The following CCDC171 variants were observed in gnomAD, a reference collection of about 807,000 sequenced individuals.
CCDC171 encodes the protein coiled-coil domain containing 171, also known as coiled-coil domain-containing protein 171.
In CCDC171, 177 loss-of-function variants were observed where a neutral mutation model predicts 168.2. That is an observed-to-expected ratio of 1.05 (90% CI 0.93 to 1.19). CCDC171 has a LOEUF of 1.19. Ranked by LOEUF, CCDC171 falls within the 50% of genes most tolerant of loss-of-function variation. The pLI is 0.00. For synonymous variants in CCDC171, 687 were observed against 540.8 expected (o/e 1.27, Z -3.75); for missense variants, 1,991 against 1,539.0 (o/e 1.29, Z -4.91).
intron 16 of CCDC171, among the ~76,000 whole-genome samples, chr9:15,742,067 C>G (rs145832790): frequency 2.3e-5 from 3 of 128,186 alleles, no homozygotes; most frequent in African/African-American, 7.3e-5. Flanking sequence ...TCTAGGTTTT[C>G]TGTAATTTTC....
At chr9:15,756,382 A>G (rs1325210928) in intron 18 of CCDC171, among the ~76,000 whole-genome samples, 1 of 152,144 alleles carries the variant, frequency 6.6e-6, no homozygotes, top group Non-Finnish European at 1.5e-5. Flanking sequence ...TTCTTTTTTA[A>G]TAATTTCAAC....
At chr9:15,688,302 A>G (rs1049935782) in intron 10 of CCDC171, among the ~76,000 whole-genome samples, 1 of 152,134 alleles carries the variant, frequency 6.6e-6, no homozygotes, top group African/African-American at 2.4e-5. Flanking sequence ...TTTAAGAACA[A>G]TTACCACCAA....
intron 24 of CCDC171, among the ~76,000 whole-genome samples, chr9:15,908,919 G>A (rs1221700865): frequency 6.6e-6 from 1 of 152,066 alleles, no homozygotes; most frequent in East Asian, 1.9e-4. Context: ...CCAGCACTGG[G>A]GATTACAATT....
At chr9:15,642,474 A>G (rs2046717952) in intron 7 of CCDC171, among the ~76,000 whole-genome samples, 1 of 150,684 alleles carries the variant, frequency 6.6e-6, no homozygotes, top group Non-Finnish European at 1.5e-5. Context: ...TATGAATGTT[A>G]CACTAGTTCT....
downstream of CCDC171, among the ~76,000 whole-genome samples, chr9:16,066,515 G>T (rs1035699777): frequency 2.0e-5 from 3 of 149,826 alleles, no homozygotes; most frequent in Non-Finnish European, 4.4e-5. Context: ...CATTGTGCAG[G>T]TTAGTTATAT....
intron 24 of CCDC171, among the ~76,000 whole-genome samples, chr9:15,906,401 A>T (rs1458562983): frequency 1.3e-5 from 2 of 152,234 alleles, no homozygotes; most frequent in Non-Finnish European, 2.9e-5. Flanking sequence ...TCCAGCATAT[A>T]AAAGAACCAA....
chr9:15,591,317 G>T lies in CCDC171; in HGVS notation c.353-49G>T. 3 of 1,212,430 alleles carry T rather than the reference G, an allele frequency of 2.5e-6. No individual in the cohort carries two copies. The South Asian group carries it at 4.2e-5, about 17-fold the overall frequency. The allele number at this position is 1,212,430 out of a possible 1,614,324, so 75.1% of individuals were successfully genotyped here. ...CAATGCCTAGGTTTTGGGGCTCCTTGTTATTTAATTCATGGTTGTAAATGT... is the reference window on the plus strand; with the variant it reads ...CAATGCCTAGGTTTTGGGGCTCCTTTTTATTTAATTCATGGTTGTAAATGT... On this transcript the variant is annotated intron_variant, in intron 4 of 25. Transcript: ENST00000380701.
At chr9:15,664,250 T>A (rs574533055) in intron 8 of CCDC171, among the ~76,000 whole-genome samples, 1 of 152,182 alleles carries the variant, frequency 6.6e-6, no homozygotes, top group East Asian at 1.9e-4. Context: ...CTTTTACACC[T>A]TAATTTATTT....
Position 15,580,895 on chromosome 9 carries a change from A to C in CCDC171, c.352+1872A>C, listed in dbSNP as rs766473049. ...CAAGACAAGGATGCCCTCTCTCACC[A>C]CTCCTAGTCAACATAGTATTGGAAG... On this transcript the variant is annotated intron_variant, in intron 4 of 25. Coordinates refer to ENST00000380701, the MANE Select transcript of CCDC171 (RefSeq NM_173550.4). Among the ~76,000 whole-genome samples, 32 of 152,052 alleles carry C rather than the reference A, an allele frequency of 2.1e-4. 1 individual carries two copies. Among genetic ancestry groups the C allele is most frequent in the Non-Finnish European group, 4.3e-4 (29 of 68,022 alleles).
intron 24 of CCDC171, among the ~76,000 whole-genome samples, chr9:15,895,017 G>C (rs1181425767): frequency 6.6e-6 from 1 of 152,004 alleles, no homozygotes; most frequent in African/African-American, 2.4e-5. Flanking sequence ...CTTTTTGAGA[G>C]GCAGAACTGC....
chr9:15,932,530 A>G (rs944311616), intron 25 of CCDC171, among the ~76,000 whole-genome samples: 32 of 151,938 alleles, frequency 2.1e-4, no homozygotes, highest in Non-Finnish European at 3.7e-4. Flanking sequence ...GGGGTTTTCT[A>G]TGTATAAGAT....
chr9:15,594,217 T>C, intron 6 of CCDC171, 45 bp downstream of exon 6: 2 of 1,043,794 alleles, frequency 1.9e-6, no homozygotes, highest in Non-Finnish European at 2.8e-6. Flanking sequence ...TTTTTAATGC[T>C]TATGATATTC....
chr9:15,809,979 T>C (rs1252040623), intron 21 of CCDC171, among the ~76,000 whole-genome samples: 3 of 152,196 alleles, frequency 2.0e-5, no homozygotes, highest in Non-Finnish European at 2.9e-5. Flanking sequence ...AGGGTGCCGA[T>C]TGGTGCATTT....
intron 20 of CCDC171, among the ~76,000 whole-genome samples, chr9:15,780,530 A>T (rs2891002): frequency 0.38 from 57,993 of 151,992 alleles, 13,087 homozygotes; most frequent in East Asian, 0.65. Flanking sequence ...AAAAAAAATT[A>T]TATTTATTTT....
chr9:15,927,971 A>G (rs1429726961), intron 25 of CCDC171, among the ~76,000 whole-genome samples: 1 of 151,662 alleles, frequency 6.6e-6, no homozygotes, highest in Non-Finnish European at 1.5e-5. Context: ...TTTTTTTGAA[A>G]CAGCTGTTAG....
At chr9:15,807,254 A>G (rs929622254) in intron 21 of CCDC171, among the ~76,000 whole-genome samples, 9 of 152,182 alleles carry the variant, frequency 5.9e-5, no homozygotes, top group African/African-American at 2.2e-4. Context: ...CCCTTGTTGT[A>G]GAACTAGTGT....
At chr9:15,631,582 A>G (rs535608319) in intron 7 of CCDC171, among the ~76,000 whole-genome samples, 2 of 152,236 alleles carry the variant, frequency 1.3e-5, no homozygotes, top group African/African-American at 4.8e-5. Flanking sequence ...GCCGAATTCT[A>G]TCAGAGGTAC....
intron 7 of CCDC171, among the ~76,000 whole-genome samples, chr9:15,649,963 G>A (rs554262140): frequency 3.0e-4 from 45 of 152,110 alleles, no homozygotes; most frequent in Admixed American, 5.9e-4. Flanking sequence ...TGTTTATTGC[G>A]GCACTATTCA....
chr9:15,713,844 G>A (rs2052873859), intron 11 of CCDC171, among the ~76,000 whole-genome samples: 1 of 151,346 alleles, frequency 6.6e-6, no homozygotes, highest in African/African-American at 2.4e-5. Context: ...TGGTAATGGA[G>A]AGTTGATTAA....
Sources: allele counts gnomAD v4.1 joint callset (sites outside exome capture counted in the v4.1 genomes callset), GRCh38; gene constraint gnomAD v4.1.1; transcripts MANE v1.5; gene names NCBI Gene and HGNC (gene_info 2026-07-23, HGNC 2026-07-21).